TMC1: variants seen among roughly 807,000 people sequenced by gnomAD.
TMC1 encodes transmembrane channel like 1.
Under a neutral mutation model 105.8 loss-of-function variants are expected in TMC1, and 84 were observed. That is an observed-to-expected ratio of 0.79 (90% CI 0.67 to 0.95). TMC1 has a LOEUF of 0.95. Among genes scored for constraint, TMC1 ranks in the 40% least tolerant of loss-of-function variants. The pLI is 0.00. For synonymous variants in TMC1, 315 were observed against 311.5 expected, an observed-to-expected ratio of 1.01 and a Z score of -0.12; for missense variants, 817 against 914.1, an observed-to-expected ratio of 0.89 and a Z score of 1.37.
chr9:72,754,638 T>C (rs1247916040), intron 11 of TMC1, 148 bp from the exon 12 acceptor site: 6 of 691,960 alleles, frequency 8.7e-6, no homozygotes, highest in Non-Finnish European at 1.6e-5. Flanking sequence ...TAGTAGTCGA[T>C]TCCCAGAAAA....
chr9:72,632,640 G>A (rs937313569), intron 4 of TMC1, among the ~76,000 whole-genome samples: 12 of 152,046 alleles, frequency 7.9e-5, no homozygotes, highest in African/African-American at 2.9e-4. Context: ...TGTAATAGAA[G>A]CAAATGACCC....
intron 5 of TMC1, among the ~76,000 whole-genome samples, chr9:72,666,878 C>T (rs1826052402): frequency 7.2e-6 from 1 of 138,150 alleles, no homozygotes; most frequent in African/African-American, 2.8e-5. Flanking sequence ...AGGGAAATCC[C>T]ATCTCTACCA....
At chr9:72,559,276 A>G (rs1393400127) in intron 1 of TMC1, among the ~76,000 whole-genome samples, 1 of 152,042 alleles carries the variant, frequency 6.6e-6, no homozygotes, top group Non-Finnish European at 1.5e-5. Flanking sequence ...TTGTATTTTT[A>G]GTACAGATGG....
chr9:72,793,227 G>A (rs546482222), intron 17 of TMC1, among the ~76,000 whole-genome samples: 1 of 152,128 alleles, frequency 6.6e-6, no homozygotes, highest in African/African-American at 2.4e-5. Flanking sequence ...CAGGAGGTTA[G>A]ACCCCCAACC....
At chr9:72,814,552 T>C (rs952469822) in intron 18 of TMC1, among the ~76,000 whole-genome samples, 1 of 152,176 alleles carries the variant, frequency 6.6e-6, no homozygotes, top group African/African-American at 2.4e-5. Context: ...ATCCAGGTCA[T>C]CTTTGTTCTG....
At chr9:72,605,520 A>G (rs1824897378) in intron 2 of TMC1, among the ~76,000 whole-genome samples, 1 of 151,580 alleles carries the variant, frequency 6.6e-6, no homozygotes, top group Non-Finnish European at 1.5e-5. Context: ...CTCTGTGCAC[A>G]TGCACTTCTG....
At chr9:72,791,851 C>T (rs541795877) in intron 15 of TMC1, 35 bp from the exon 16 acceptor site, 1 of 1,580,352 alleles carries the variant, frequency 6.3e-7, no homozygotes, top group Non-Finnish European at 8.7e-7. Flanking sequence ...CTTTAAACAC[C>T]ATTAACCTAG....
intron 2 of TMC1, among the ~76,000 whole-genome samples, chr9:72,610,705 T>A (rs549348142): frequency 6.6e-6 from 1 of 152,330 alleles, no homozygotes; most frequent in Admixed American, 6.5e-5. Context: ...TTTGACCAAA[T>A]GTCTGGGCAC....
chr9:72,613,423 G>A (rs920258022), intron 2 of TMC1, among the ~76,000 whole-genome samples: 1 of 152,088 alleles, frequency 6.6e-6, no homozygotes, highest in Non-Finnish European at 1.5e-5. Context: ...ACTGCTCCCA[G>A]CCCAGAAATT....
chr9:72,669,372 A>G (rs1826092852), intron 5 of TMC1, among the ~76,000 whole-genome samples: 1 of 152,194 alleles, frequency 6.6e-6, no homozygotes. Context: ...AAAAGAAATA[A>G]CATCTCACAA....
rs1827941251 is a variant in TMC1 at position 72,772,353 on chromosome 9, T to C, written c.742-60T>C. ...TTTTGTTATTTCTCTTAAGAGTTGA[T>C]CTTTTCCTTTGAGTTGCTCTTCACG... On this transcript the variant is annotated intron_variant, in intron 12 of 23. Transcript: ENST00000297784. 8 of 1,607,740 alleles carry C rather than the reference T, an allele frequency of 5.0e-6. No individual in the cohort carries two copies. In the Admixed American group the frequency reaches 1.3e-4, roughly 27 times the overall value.
chr9:72,772,348 GTTGATC>G, intron 12 of TMC1, 59 bp from the exon 13 acceptor site: 1 of 1,602,928 alleles, frequency 6.2e-7, no homozygotes, highest in South Asian at 1.1e-5. Context: ...TCTCTTAAGA[GTTGATC>G]TTTTCCTTTG....
At chr9:72,648,549 G>A (rs1355492641) in intron 4 of TMC1, 48 bp from the exon 5 acceptor site, 1 of 1,053,442 alleles carries the variant, frequency 9.5e-7, no homozygotes, top group Non-Finnish European at 1.5e-6. Flanking sequence ...GCAGAAGTGT[G>A]TGGATGTGCT....
At chr9:72,681,471 G>A (rs1185935576) in intron 5 of TMC1, among the ~76,000 whole-genome samples, 1 of 152,036 alleles carries the variant, frequency 6.6e-6, no homozygotes, top group African/African-American at 2.4e-5. Flanking sequence ...TGATGGTGTC[G>A]TGAAATACCT....
intron 3 of TMC1, among the ~76,000 whole-genome samples, chr9:72,619,137 A>G (rs1177727370): frequency 6.6e-6 from 1 of 152,212 alleles, no homozygotes; most frequent in African/African-American, 2.4e-5. Context: ...AGACTATAGT[A>G]ATTGTATCAA....
At chr9:72,792,420 A>G (rs1456049485) in intron 17 of TMC1, 68 bp downstream of exon 17, 11 of 1,589,762 alleles carry the variant, frequency 6.9e-6, no homozygotes, top group African/African-American at 4.0e-5. Context: ...TCTCTTCCAT[A>G]AGATTGGCTT....
chr9:72,787,498 C>T (rs1004863451), intron 13 of TMC1, among the ~76,000 whole-genome samples: 2 of 151,794 alleles, frequency 1.3e-5, no homozygotes, highest in African/African-American at 4.8e-5. Flanking sequence ...CTTATGGGAC[C>T]ATTTTATAAT....
intron 1 of TMC1, among the ~76,000 whole-genome samples, chr9:72,526,514 G>A (rs1823410018): frequency 1.3e-5 from 2 of 152,126 alleles, no homozygotes; most frequent in Admixed American, 1.3e-4. Flanking sequence ...GATTAAACTT[G>A]TAAAGGAATT....
intron 1 of TMC1, among the ~76,000 whole-genome samples, chr9:72,576,583 G>A (rs1824383118): frequency 1.3e-5 from 2 of 151,114 alleles, no homozygotes; most frequent in Admixed American, 1.3e-4. Context: ...ATGGCTTGAT[G>A]GGTTTTGACC....
Sources: gnomAD v4.1 joint callset for allele counts (sites outside exome capture counted in the v4.1 genomes callset) on GRCh38, gnomAD v4.1.1 for gene constraint, MANE v1.5 for transcripts, NCBI Gene and HGNC (gene_info 2026-07-23, HGNC 2026-07-21) for gene names.